ASPM: variants seen among roughly 807,000 people sequenced by gnomAD.
ASPM encodes assembly factor for spindle microtubules.
In ASPM, 256 loss-of-function variants were observed where a neutral mutation model predicts 366.4. The ratio of observed to expected loss-of-function variants is 0.70; its 90% confidence interval spans 0.63 to 0.77. The LOEUF is 0.77. ASPM is among the 30% of genes least tolerant of loss of function. The probability of loss-of-function intolerance (pLI) is 0.00; values close to 1 mark genes in which losing one functional copy is unlikely to be tolerated. For missense variants in ASPM, 4,146 were observed against 4,090.4 expected (o/e 1.01, Z -0.37); for synonymous variants, 1,414 against 1,342.9 (o/e 1.05, Z -1.16).
At position 197,125,157 on chromosome 1, in the gene ASPM, G is replaced by A; in HGVS notation, c.2971C>T (p.Leu991Phe). 6.2e-7 allele frequency: 1 copy of A among 1,613,956 alleles called. No homozygotes were observed. Among genetic ancestry groups the A allele is most frequent in the Middle Eastern group, 1.6e-4 (1 of 6,062 alleles). Residue 991 changes from leucine (L) to phenylalanine (F), a missense_variant, in exon 11 of 28, where the codon CTC (leucine) becomes TTC (phenylalanine). Around this residue, in one of 3 missense-constraint regions of ASPM, gnomAD observed 3,624 missense variants for 3,591.7 expected, o/e 1.01. Transcript: ENST00000367409. Reference protein sequence around the residue: ...TMELLTQNWDLSKKLRIPAIS... With the variant: ...TMELLTQNWDFSKKLRIPAIS... ...GCCGGAATCCTGAGTTTCTTTGAGAGGTCCCAGTTCTGTGTGAGAAGTTCC... is the reference window on the plus strand; with the variant it reads ...GCCGGAATCCTGAGTTTCTTTGAGAAGTCCCAGTTCTGTGTGAGAAGTTCC...
chr1:197,102,715 C>G lies in ASPM; in HGVS notation c.6536G>C (p.Gly2179Ala). ...AVKVLQASFR[G>A]VRVRRTLRKM... ...TCTAAGAGTCCGTCTAACTCTTACT[C>G]CTCTAAAACTTGCCTGAAGGACTTT... is the stretch of plus-strand genomic sequence containing the variant. The change falls in exon 18 of 28, where the codon GGA becomes GCA. Residue 2179 changes from glycine to alanine, a missense_variant. Coordinates refer to ENST00000367409, the MANE Select transcript of ASPM (RefSeq NM_018136.5). The G allele has an allele frequency of 6.2e-7, 1 of 1,612,678 alleles. No individual in the cohort carries two copies. The highest frequency in any genetic ancestry group is 8.5e-7 in the Non-Finnish European group (1 of 1,179,258).
chr1:197,116,052 A>G (rs1346243147), intron 17 of ASPM, among the ~76,000 whole-genome samples: 2 of 152,080 alleles, frequency 1.3e-5, no homozygotes, highest in Admixed American at 1.3e-4. Context: ...TAGATTGAAA[A>G]CTTTTGTTTA....
chr1:197,093,142 A>G lies in ASPM; in HGVS notation c.9204T>C (p.Ala3068=). ...TATATTTTATCCTTTCATGCTTTCCAGCCTCCCTGGCTCGTATATATTTTT... is the reference window on the plus strand; with the variant it reads ...TATATTTTATCCTTTCATGCTTTCCGGCCTCCCTGGCTCGTATATATTTTT... ...IIQKYIRARE[A]GKHERIKYIE... Residue 3068 remains alanine, a synonymous_variant, in exon 21 of 28, where the codon GCT becomes GCC. Transcript: ENST00000367409. 6.2e-7 allele frequency: 1 copy of G among 1,612,472 alleles called. No homozygotes were observed. The highest frequency in any genetic ancestry group is 8.5e-7 in the Non-Finnish European group (1 of 1,178,910).
intron 21 of ASPM, among the ~76,000 whole-genome samples, 160 bp downstream of exon 21, chr1:197,092,892 C>A (rs757689432): frequency 6.6e-6 from 1 of 151,856 alleles, no homozygotes; most frequent in Non-Finnish European, 1.5e-5. Context: ...ATTTGACAGT[C>A]AGTGCTCTTG....
At position 197,091,951 on chromosome 1, in the gene ASPM, C is replaced by T. The variant is rs200936508; in HGVS notation, c.9400G>A (p.Val3134Met). The change falls in exon 22 of 28, where the codon GTG becomes ATG. Residue 3134 changes from valine to methionine, a missense_variant. Val to Met is a conservative substitution (Grantham distance 21, BLOSUM62 1). Transcript: ENST00000367409. Reference sequence around the variant, plus strand: ...TTAACCTGCTTGTTAGCATTCTTCACAGCCAGGTAAAGTTTATAGGCTCTT... The same window carrying T: ...TTAACCTGCTTGTTAGCATTCTTCATAGCCAGGTAAAGTTTATAGGCTCTT... Reference protein sequence around the residue: ...IQRAYKLYLAVKNANKQVNSV... With the variant: ...IQRAYKLYLAMKNANKQVNSV... 5 of 1,611,390 alleles carry T rather than the reference C, an allele frequency of 3.1e-6. No individual in the cohort carries two copies. Among genetic ancestry groups the T allele is most frequent in the African/African-American group, 2.7e-5 (2 of 74,904 alleles).
At position 197,102,169 on chromosome 1, in the gene ASPM, G is replaced by C. The variant is rs368151024; in HGVS notation, c.7082C>G (p.Ser2361Cys). ...HMRYQALKQASVVIQQQYQAN... is the reference protein window; with the variant it reads ...HMRYQALKQACVVIQQQYQAN... The stretch of plus-strand genomic sequence containing the variant: ...TTGGTATTGCTGTTGGATCACAACG[G>C]AGGCCTGTTTCAAAGCCTGATATCT... The change falls in exon 18 of 28, where the codon TCC (serine) becomes TGC (cysteine). Residue 2361 changes from serine to cysteine, a missense_variant. Transcript: ENST00000367409. The C allele has an allele frequency of 6.2e-7, 1 of 1,612,664 alleles. No individual in the cohort carries two copies. The highest frequency in any genetic ancestry group is 8.5e-7 in the Non-Finnish European group (1 of 1,179,268).
intron 17 of ASPM, among the ~76,000 whole-genome samples, chr1:197,105,561 T>C (rs2125097083): frequency 6.6e-6 from 1 of 152,058 alleles, no homozygotes; most frequent in South Asian, 2.1e-4. Context: ...CCTTATATGG[T>C]CCCCTTACTT....
intron 6 of ASPM, among the ~76,000 whole-genome samples, chr1:197,132,905 T>A (rs1317414403): frequency 2.0e-5 from 3 of 152,138 alleles, no homozygotes; most frequent in Non-Finnish European, 4.4e-5. Context: ...TGATCTCATT[T>A]ATATGTGAAA....
At position 197,143,353 on chromosome 1, in the gene ASPM, G is replaced by C; in HGVS notation, c.899C>G (p.Pro300Arg). 1.2e-6 allele frequency: 2 copies of C among 1,613,930 alleles called. No individual in the cohort carries two copies. Among genetic ancestry groups the C allele is most frequent in the South Asian group, 1.1e-5 (1 of 91,074 alleles). Residue 300 changes from proline (P) to arginine (R), a missense_variant, in exon 3 of 28, where the codon CCC becomes CGC. Coordinates refer to ENST00000367409, the MANE Select transcript of ASPM (RefSeq NM_018136.5). ...AATGTTCAAAGTTGAAGAACAGTTG[G>C]GGGTAAGACTAAGTTTACTATTCTC... Reference protein sequence around the residue: ...RGENSKLSLTPNCSSTLNITQ... With the variant: ...RGENSKLSLTRNCSSTLNITQ...
intron 17 of ASPM, among the ~76,000 whole-genome samples, chr1:197,110,127 T>C (rs1220346045): frequency 1.3e-4 from 20 of 152,002 alleles, no homozygotes; most frequent in Admixed American, 1.3e-3. Context: ...CAACTCATTT[T>C]GAAAAAAGAA....
chr1:197,105,789 T>G (rs1657390085), intron 17 of ASPM, among the ~76,000 whole-genome samples: 1 of 152,000 alleles, frequency 6.6e-6, no homozygotes, highest in Admixed American at 6.6e-5. Context: ...TAGAAAGACT[T>G]GAGAAATGAC....
At position 197,144,219 on chromosome 1, in the gene ASPM, T is replaced by C; in HGVS notation, c.298-119A>G. On this transcript the variant is annotated intron_variant, in intron 1 of 27. Transcript: ENST00000367409. The stretch of plus-strand genomic sequence containing the variant: ...AATTGTTAACCAACACTCTATATAC[T>C]AAACATTTAATAAATCAAATATATT... 3.0e-6 allele frequency: 2 copies of C among 672,500 alleles called. 1 individual carries two copies. Among genetic ancestry groups the C allele is most frequent in the South Asian group, 4.0e-5 (2 of 49,552 alleles). The allele number at this position is 672,500 out of a possible 1,614,324, so 41.7% of individuals were successfully genotyped here. A position where few individuals can be genotyped will look rare whatever the true frequency, so the allele number is the denominator to read the frequency against.
chr1:197,089,041 A>G (rs1189451041), intron 25 of ASPM, among the ~76,000 whole-genome samples: 1 of 152,040 alleles, frequency 6.6e-6, no homozygotes, highest in Non-Finnish European at 1.5e-5. Flanking sequence ...TTTGTATGGC[A>G]TGTTTATGTA....
chr1:197,107,392 G>C (rs541810761), intron 17 of ASPM, among the ~76,000 whole-genome samples: 28 of 152,230 alleles, frequency 1.8e-4, no homozygotes, highest in African/African-American at 6.7e-4. Flanking sequence ...ATGGAAGGCT[G>C]ATGAGAACAG....
At chr1:197,090,795 T>C (rs1367336583) in intron 23 of ASPM, 55 bp downstream of exon 23, 1 of 1,487,740 alleles carries the variant, frequency 6.7e-7, no homozygotes, top group Non-Finnish European at 9.4e-7. Context: ...TTAGATATCA[T>C]GTAGATGAAT....
In ASPM at chr1:197,104,402, G is replaced by A. The variant is rs772050241; in HGVS notation, c.4849C>T (p.Arg1617Ter). ...ACTTTCATGGCAAAAATATAAGCTC[G>A]GAAATGAGTCTGAATTATAACAGCT... ...KAAVIIQTHF[R>*]AYIFAMKVLA... is the part of the protein sequence containing the mutation. The change falls in exon 18 of 28, where the codon CGA becomes TGA. Residue 1617 changes from arginine to a stop codon, truncating the protein, a stop_gained. Transcript: ENST00000367409. LOFTEE classifies it high-confidence loss of function. The A allele has an allele frequency of 1.4e-5, 22 of 1,612,814 alleles. No homozygotes were observed. The highest frequency in any genetic ancestry group is 2.2e-5 in the East Asian group (1 of 44,824).
rs371737785 is a variant in ASPM at position 197,133,391 on chromosome 1, C to T, written c.2378G>A (p.Arg793Gln). ...KKLEIEIEAR[R>Q]LIVRKDRHLW... ...GTGTCTATCTTTTCGAACAATTAAC[C>T]GCCTAGCTTCAATTTCAATTTCAAG... Residue 793 changes from arginine to glutamine, a missense_variant, in exon 6 of 28, where the codon CGG becomes CAG. Around this residue, in one of 3 missense-constraint regions of ASPM, gnomAD observed 3,624 missense variants for 3,591.7 expected, o/e 1.01. Transcript: ENST00000367409. 9.9e-6 allele frequency: 16 copies of T among 1,613,764 alleles called. No homozygotes were observed. Among genetic ancestry groups the T allele is most frequent in the African/African-American group, 4.0e-5 (3 of 74,894 alleles).
Position 197,142,395 on chromosome 1 carries a change from A to T in ASPM, c.1857T>A (p.Asn619Lys), listed in dbSNP as rs747330693. 4 of 1,613,738 alleles carry T rather than the reference A, an allele frequency of 2.5e-6. No homozygotes were observed. The highest frequency in any genetic ancestry group is 2.2e-5 in the South Asian group (2 of 91,072). ...TACGTTTTGAGATGGGTGTTGTCACATTTTTTGTTTTCTTAACAGCTGATG... is the reference window on the plus strand; with the variant it reads ...TACGTTTTGAGATGGGTGTTGTCACTTTTTTTGTTTTCTTAACAGCTGATG... ...PKTSAVKKTK[N>K]VTTPISKRIS... The change falls in exon 3 of 28, where the codon AAT (asparagine) becomes AAA (lysine). Residue 619 changes from asparagine to lysine, a missense_variant. Asn to Lys is a moderately conservative substitution (Grantham distance 94, BLOSUM62 0). Around this residue, in one of 3 missense-constraint regions of ASPM, gnomAD observed 3,624 missense variants for 3,591.7 expected, o/e 1.01. Coordinates refer to ENST00000367409, the MANE Select transcript of ASPM (RefSeq NM_018136.5).
rs765763857 is a variant in ASPM, at chr1:197,084,295, A to G, written c.*29T>C. 4 of 1,495,880 alleles carry G rather than the reference A, an allele frequency of 2.7e-6. No individual in the cohort carries two copies. The African/African-American group carries it at 4.1e-5, about 15-fold the overall frequency. 92.7% of individuals were successfully genotyped at this position (1,495,880 alleles called of 1,614,324 possible). The stretch of plus-strand genomic sequence containing the variant: ...ATGATTGGCTTTAATATTTCTTTAC[A>G]CTATACATACTGAAAATGTTTACAT... On this transcript the variant is annotated 3_prime_UTR_variant, in exon 28 of 28. Transcript: ENST00000367409.
Sources: allele counts gnomAD v4.1 joint callset (sites outside exome capture counted in the v4.1 genomes callset), GRCh38; gene constraint gnomAD v4.1.1; regional missense constraint gnomAD v4.1.1; transcripts MANE v1.5; gene names NCBI Gene and HGNC (gene_info 2026-07-23, HGNC 2026-07-21).